CATSPERT: variants seen among roughly 807,000 people sequenced by gnomAD.
The protein encoded by CATSPERT is catsper channel auxiliary subunit tau.
the CATSPERT span, among the ~76,000 whole-genome samples, chr2:201,606,528 T>C: frequency 6.6e-6 from 1 of 152,220 alleles, no homozygotes; most frequent in Non-Finnish European, 1.5e-5. Context: ...CATTTTACTC[T>C]TGAGCCCCTC....
chr2:201,612,455 TC>T, the CATSPERT span, among the ~76,000 whole-genome samples: 1 of 151,712 alleles, frequency 6.6e-6, no homozygotes, highest in Non-Finnish European at 1.5e-5. Context: ...GTGCCTGTAA[TC>T]CCAGCTACTC....
chr2:201,534,398 T>C, the CATSPERT span: 1 of 983,648 alleles, frequency 1.0e-6, no homozygotes, highest in African/African-American at 1.7e-5. Context: ...AACTTACTTA[T>C]CAAGTGAAAG....
At chr2:201,565,882 A>T in the CATSPERT span, 1 of 1,570,822 alleles carries the variant, frequency 6.4e-7, no homozygotes, top group Non-Finnish European at 8.6e-7. Flanking sequence ...TCTGCAAAAT[A>T]ATAATAAAGT....
At chr2:201,572,357 A>G in the CATSPERT span, among the ~76,000 whole-genome samples, 5 of 152,116 alleles carry the variant, frequency 3.3e-5, no homozygotes, top group Non-Finnish European at 5.9e-5. Context: ...CAGGACTTGA[A>G]TGTAGCTTTA....
At chr2:201,511,843 A>C in the CATSPERT span, 1 of 47,556 alleles carries the variant, frequency 2.1e-5, no homozygotes, top group Admixed American at 3.1e-4. Flanking sequence ...ACCTTGGCTC[A>C]TTAAAAAAAA....
chr2:201,525,203 AC>A, the CATSPERT span, among the ~76,000 whole-genome samples: 1 of 152,334 alleles, frequency 6.6e-6, no homozygotes, highest in East Asian at 1.9e-4. Context: ...AATTGGCCAC[AC>A]AACCAGAAAT....
At chr2:201,614,075 A>T in the CATSPERT span, among the ~76,000 whole-genome samples, 3 of 152,238 alleles carry the variant, frequency 2.0e-5, no homozygotes, top group Non-Finnish European at 2.9e-5. Flanking sequence ...GACCAAATCT[A>T]TCTCTGATTG....
chr2:201,550,816 T>C, the CATSPERT span: 3 of 152,192 alleles, frequency 2.0e-5, no homozygotes, highest in Non-Finnish European at 4.4e-5. Flanking sequence ...TCAATATATC[T>C]AGGTATGGTT....
At chr2:201,576,235 G>A in the CATSPERT span, among the ~76,000 whole-genome samples, 1 of 152,154 alleles carries the variant, frequency 6.6e-6, no homozygotes, top group African/African-American at 2.4e-5. Context: ...AGGATAAGAT[G>A]TTTTGTTTAA....
chr2:201,529,474 C>T, the CATSPERT span, among the ~76,000 whole-genome samples: 3 of 151,994 alleles, frequency 2.0e-5, no homozygotes, highest in African/African-American at 7.2e-5. Context: ...TGATATTTGA[C>T]AAAGATGCCA....
the CATSPERT span, chr2:201,575,340 T>A: frequency 1.2e-5 from 19 of 1,569,154 alleles, no homozygotes; most frequent in Non-Finnish European, 1.5e-5. Flanking sequence ...GAAAAAAAAA[T>A]AAAAATTTTA....
the CATSPERT span, among the ~76,000 whole-genome samples, chr2:201,583,639 C>T: frequency 6.6e-6 from 1 of 152,102 alleles, no homozygotes; most frequent in African/African-American, 2.4e-5. Context: ...GGCTCGGTTG[C>T]CTTAGAAGAA....
At chr2:201,610,513 C>T in the CATSPERT span, among the ~76,000 whole-genome samples, 9 of 151,578 alleles carry the variant, frequency 5.9e-5, no homozygotes, top group African/African-American at 1.7e-4. Flanking sequence ...CATGACTTCA[C>T]TGCTGAATTC....
the CATSPERT span, among the ~76,000 whole-genome samples, chr2:201,497,530 AG>A: frequency 6.6e-6 from 1 of 152,268 alleles, no homozygotes; most frequent in African/African-American, 2.4e-5. Flanking sequence ...TTTGTAACAA[AG>A]CAAACAAAAA....
chr2:201,604,703 A>G, the CATSPERT span: 2 of 1,573,802 alleles, frequency 1.3e-6, no homozygotes, highest in East Asian at 2.3e-5. Flanking sequence ...AGCATCTACA[A>G]TGTAAATAAA....
the CATSPERT span, chr2:201,534,596 A>G: frequency 1.0e-6 from 1 of 983,492 alleles, no homozygotes; most frequent in Non-Finnish European, 1.2e-6. Flanking sequence ...TAGCAGGGAA[A>G]ACCAAAATGA....
the CATSPERT span, among the ~76,000 whole-genome samples, chr2:201,489,386 T>C: frequency 6.6e-6 from 1 of 152,176 alleles, no homozygotes; most frequent in East Asian, 1.9e-4. Context: ...TCTACCTTTT[T>C]TCCGAGTGTG....
the CATSPERT span, among the ~76,000 whole-genome samples, chr2:201,613,779 C>G: frequency 6.6e-6 from 1 of 152,102 alleles, no homozygotes; most frequent in Non-Finnish European, 1.5e-5. Context: ...GGAGGATGTT[C>G]GAACCCATTG....
chr2:201,544,821 CA>C, the CATSPERT span, among the ~76,000 whole-genome samples: 8,111 of 92,522 alleles, frequency 0.088, 353 homozygotes, highest in African/African-American at 0.17. Flanking sequence ...CCTGTCTCTA[CA>C]AAAAAAAAAA....
Sources: gnomAD v4.1 joint callset for allele counts (sites outside exome capture counted in the v4.1 genomes callset) on GRCh38, gnomAD v4.1.1 for gene constraint, MANE v1.5 for transcripts, NCBI Gene and HGNC (gene_info 2026-07-23, HGNC 2026-07-21) for gene names.